The following NAV1 variants were observed in gnomAD, a reference collection of about 807,000 sequenced individuals.
The protein encoded by NAV1 is neuron navigator 1, also known as pore membrane and/or filament interacting like protein 3.
NAV1 carries 18 observed loss-of-function variants against 175.2 expected under a neutral mutation model. The ratio of observed to expected loss-of-function variants is 0.10; its 90% confidence interval spans 0.07 to 0.15. The LOEUF (loss-of-function observed/expected upper bound fraction) is 0.15. Ranked by LOEUF, NAV1 falls within the 10% of genes least tolerant of loss-of-function variation. The probability of loss-of-function intolerance (pLI) is 1.00; values close to 1 mark genes in which losing one functional copy is unlikely to be tolerated. For synonymous variants in NAV1, 897 were observed against 978.7 expected (o/e 0.92, Z 1.56); for missense variants, 1,731 against 2,436.6 (o/e 0.71, Z 6.10).
chr1:201,603,385 C>T (rs543349689), intron 2 of NAV1, among the ~76,000 whole-genome samples: 9 of 152,200 alleles, frequency 5.9e-5, no homozygotes, highest in Non-Finnish European at 8.8e-5. Context: ...TGCTGCATCA[C>T]TGTAAAATTT....
intron 3 of NAV1, among the ~76,000 whole-genome samples, chr1:201,754,296 A>G (rs1261005313): frequency 6.6e-6 from 1 of 152,234 alleles, no homozygotes; most frequent in East Asian, 1.9e-4. Flanking sequence ...CAAGAGCCAC[A>G]TATAATGAAA....
chr1:201,706,140 T>C (rs957293208), intron 1 of NAV1, among the ~76,000 whole-genome samples: 2 of 152,162 alleles, frequency 1.3e-5, no homozygotes, highest in African/African-American at 2.4e-5. Context: ...CATCAACAAA[T>C]GCTGGTTGTG....
At chr1:201,643,973 A>G (rs1668892871), upstream of NAV1, among the ~76,000 whole-genome samples, 1 of 152,226 alleles carries the variant, frequency 6.6e-6, no homozygotes, top group African/African-American at 2.4e-5. Flanking sequence ...ATGTAGTCAA[A>G]TCACTCATCC....
chr1:201,587,896 A>G (rs923042204), intron 1 of NAV1, among the ~76,000 whole-genome samples: 1 of 152,242 alleles, frequency 6.6e-6, no homozygotes, highest in Non-Finnish European at 1.5e-5. Context: ...TGGCTAAAAT[A>G]AAAAAGACAG....
chr1:201,648,636 G>A, exon 1 of NAV1: 1 of 1,295,742 alleles, frequency 7.7e-7, no homozygotes, highest in South Asian at 2.6e-5. Context: ...GCCTGCAGAC[G>A]CGCGGATCGT....
At chr1:201,678,752 G>A (rs918867864) in intron 1 of NAV1, among the ~76,000 whole-genome samples, 4 of 152,034 alleles carry the variant, frequency 2.6e-5, no homozygotes, top group Non-Finnish European at 4.4e-5. Flanking sequence ...CCACCACAAC[G>A]AATCTCCCCA....
chr1:201,761,650 C>T (rs188397989), intron 3 of NAV1, among the ~76,000 whole-genome samples: 1 of 152,338 alleles, frequency 6.6e-6, no homozygotes, highest in Non-Finnish European at 1.5e-5. Flanking sequence ...TTCTATATCA[C>T]TTCTTCCAAC....
intron 1 of NAV1, among the ~76,000 whole-genome samples, chr1:201,556,956 G>A (rs1666037817): frequency 1.3e-5 from 2 of 152,176 alleles, no homozygotes; most frequent in African/African-American, 4.8e-5. Flanking sequence ...CTCGTCTCTG[G>A]TGCAAAGGAG....
intron 1 of NAV1, among the ~76,000 whole-genome samples, chr1:201,693,675 G>A (rs1339440052): frequency 6.6e-6 from 1 of 152,188 alleles, no homozygotes; most frequent in Non-Finnish European, 1.5e-5. Flanking sequence ...GAGGGCTGGG[G>A]AGAAGTGCCC....
chr1:201,729,176 C>T (rs958889921), intron 3 of NAV1, among the ~76,000 whole-genome samples: 9 of 152,140 alleles, frequency 5.9e-5, no homozygotes, highest in African/African-American at 2.2e-4. Context: ...TTGTGTGGTG[C>T]CTGGAAATTC....
At chr1:201,780,374 C>T in intron 3 of NAV1, 47 bp from the exon 8 acceptor site, 6 of 1,606,220 alleles carry the variant, frequency 3.7e-6, no homozygotes, top group Non-Finnish European at 5.1e-6. Flanking sequence ...TATTTTTTGC[C>T]TGGGCTTCTG....
chr1:201,571,483 A>C (rs961372461), intron 1 of NAV1, among the ~76,000 whole-genome samples: 1 of 152,184 alleles, frequency 6.6e-6, no homozygotes, highest in African/African-American at 2.4e-5. Context: ...TGGGGAATGC[A>C]GTCCCTGCTG....
intron 2 of NAV1, among the ~76,000 whole-genome samples, chr1:201,716,291 C>T (rs1166651127): frequency 2.6e-5 from 4 of 152,198 alleles, no homozygotes; most frequent in Non-Finnish European, 4.4e-5. Context: ...CTGCACAGGG[C>T]GCTGGACTGA....
chr1:201,609,836 G>T (rs1488201155), intron 2 of NAV1, among the ~76,000 whole-genome samples: 3 of 152,130 alleles, frequency 2.0e-5, no homozygotes, highest in Admixed American at 2.0e-4. Flanking sequence ...TGGCCTGGAG[G>T]AAAGTGTATA....
At chr1:201,667,373 T>C (rs1159211033) in intron 1 of NAV1, among the ~76,000 whole-genome samples, 1 of 152,164 alleles carries the variant, frequency 6.6e-6, no homozygotes, top group Non-Finnish European at 1.5e-5. Flanking sequence ...CTGGAGCTGA[T>C]GGTCTCCTAC....
In NAV1 at chr1:201,694,873, A is replaced by G. The variant is rs1671121877; in HGVS notation, c.758-17944A>G. The stretch of plus-strand genomic sequence containing the variant: ...TATCAGTCTCTTCAGCTGCCAAACG[A>G]ACCAAGAAGCTGCCTCACAGGATTA... On this transcript the variant is annotated intron_variant, in intron 1 of 29. Transcript: ENST00000367296. The surrounding 1 kb of genome is among the most constrained non-coding windows in gnomAD (Gnocchi z 4.2). 6.6e-6 allele frequency among the ~76,000 whole-genome samples: 1 copy of G among 152,210 alleles called. No homozygotes were observed. The highest frequency in any genetic ancestry group is 2.4e-5 in the African/African-American group (1 of 41,460).
intron 1 of NAV1, among the ~76,000 whole-genome samples, chr1:201,560,627 A>G (rs1156408920): frequency 6.6e-6 from 1 of 152,198 alleles, no homozygotes; most frequent in East Asian, 1.9e-4. Context: ...GCCCTGAGAA[A>G]CAGGATATTT....
chr1:201,755,827 C>T (rs1674419382), intron 3 of NAV1, among the ~76,000 whole-genome samples: 1 of 152,116 alleles, frequency 6.6e-6, no homozygotes, highest in Admixed American at 6.5e-5. Flanking sequence ...AAGTTGTGGG[C>T]TGGGCACGGT....
At chr1:201,672,324 C>T (rs976784207) in intron 1 of NAV1, among the ~76,000 whole-genome samples, 14 of 152,074 alleles carry the variant, frequency 9.2e-5, no homozygotes, top group African/African-American at 3.4e-4. Flanking sequence ...TGGTTGCAAT[C>T]CACTACATTG....
Sources: allele counts gnomAD v4.1 joint callset (sites outside exome capture counted in the v4.1 genomes callset), GRCh38; gene constraint gnomAD v4.1.1; non-coding constraint Gnocchi (gnomAD v3.1); transcripts MANE v1.5; gene names NCBI Gene and HGNC (gene_info 2026-07-23, HGNC 2026-07-21).